Variants in CHEK2 observed in about 807,000 individuals in gnomAD.
CHEK2 encodes serine/threonine-protein kinase Chk2.
A neutral mutation model predicts 69.1 loss-of-function variants in CHEK2; 71 were observed. The observed-to-expected ratio is 1.03, with a 90% confidence interval of 0.85 to 1.25. The LOEUF (loss-of-function observed/expected upper bound fraction) is 1.25, where lower values mean the gene tolerates loss of function less well. Among genes scored for constraint, CHEK2 ranks in the 50% most tolerant of loss-of-function variants. The probability of loss-of-function intolerance (pLI) is 0.00; values close to 1 mark genes in which losing one functional copy is unlikely to be tolerated. For missense variants in CHEK2, 664 were observed against 649.6 expected, an observed-to-expected ratio of 1.02 and a Z score of -0.24; for synonymous variants, 189 against 226.9, an observed-to-expected ratio of 0.83 and a Z score of 1.50.
At chr22:28,736,764 A>AC (rs17881006) in intron 1 of CHEK2, among the ~76,000 whole-genome samples, 2,033 of 138,280 alleles carry the variant, frequency 0.015, 19 homozygotes, top group South Asian at 0.027. Context: ...ACATAGTGGG[A>AC]CCCCCCCCGC....
chr22:28,712,125 G>T, intron 5 of CHEK2, 108 bp from the exon 6 acceptor site: 1 of 752,906 alleles, frequency 1.3e-6, no homozygotes, highest in Non-Finnish European at 2.3e-6. Flanking sequence ...CCATATAACA[G>T]CCTTTCCATT....
intron 7 of CHEK2, among the ~76,000 whole-genome samples, chr22:28,705,721 T>G (rs971265485): frequency 9.3e-5 from 14 of 151,060 alleles, no homozygotes; most frequent in African/African-American, 3.4e-4. Flanking sequence ...AGGTCAGGAG[T>G]TCGTGACCAG....
chr22:28,733,345 T>C (rs2054273136), intron 2 of CHEK2, among the ~76,000 whole-genome samples: 3 of 152,138 alleles, frequency 2.0e-5, no homozygotes, highest in Admixed American at 2.0e-4. Context: ...CAAGTTTGAG[T>C]GAATCTGCAT....
chr22:28,689,375 G>A (rs1029269380), intron 13 of CHEK2, 160 bp from the exon 14 acceptor site: 24 of 703,002 alleles, frequency 3.4e-5, no homozygotes, highest in Admixed American at 3.1e-4. Context: ...TGTGTTGCCC[G>A]CCTCTACCTT....
At chr22:28,720,092 A>T (rs965018778) in intron 4 of CHEK2, among the ~76,000 whole-genome samples, 2 of 134,474 alleles carry the variant, frequency 1.5e-5, no homozygotes, top group East Asian at 2.2e-4. Flanking sequence ...AAAAAAAGTA[A>T]TTTTTTTTTT....
At chr22:28,692,576 C>A (rs2052407423) in intron 13 of CHEK2, among the ~76,000 whole-genome samples, 1 of 152,172 alleles carries the variant, frequency 6.6e-6, no homozygotes, top group Non-Finnish European at 1.5e-5. Context: ...CAGGGACAGT[C>A]TTCCCAGAGT....
chr22:28,719,490 G>A lies in CHEK2; in HGVS notation c.593-5C>T, dbSNP rs1360625313. On this transcript the variant is annotated splice_polypyrimidine_tract_variant and splice_region_variant and intron_variant, in intron 4 of 14. Transcript: ENST00000404276. The stretch of plus-strand genomic sequence containing the variant: ...TCAGATCAAAAAAGACAAAAACTAA[G>A]GAAGAAAAGAGTAGAAATGGGTTTC... 1 of 1,544,660 alleles carries A rather than the reference G, an allele frequency of 6.5e-7. No individual in the cohort carries two copies. Among genetic ancestry groups the A allele is most frequent in the South Asian group, 1.2e-5 (1 of 86,542 alleles).
At chr22:28,697,334 A>C (rs1256204189) in intron 9 of CHEK2, among the ~76,000 whole-genome samples, 3 of 152,158 alleles carry the variant, frequency 2.0e-5, no homozygotes, top group Non-Finnish European at 4.4e-5. Flanking sequence ...TAAACACAAA[A>C]ATTCCACCAA....
At chr22:28,726,259 C>A (rs1200252551) in intron 2 of CHEK2, 1 of 151,736 alleles carries the variant, frequency 6.6e-6, no homozygotes, top group African/African-American at 2.4e-5. Context: ...AGTCCAGCTA[C>A]TCAGGAGGCT....
At chr22:28,707,788 T>C (rs1413441482) in intron 7 of CHEK2, among the ~76,000 whole-genome samples, 2 of 151,570 alleles carry the variant, frequency 1.3e-5, no homozygotes, top group African/African-American at 4.8e-5. Context: ...TGTTTGAAGA[T>C]CATCTGACAT....
intron 7 of CHEK2, among the ~76,000 whole-genome samples, chr22:28,708,329 G>T (rs1012452219): frequency 1.2e-4 from 18 of 150,918 alleles, no homozygotes; most frequent in Non-Finnish European, 2.4e-4. Context: ...CTACACTGAA[G>T]CCTGGGTAAC....
At position 28,725,236 on chromosome 22, in the gene CHEK2, T is replaced by C. The variant is rs1364932668; in HGVS notation, c.444+7A>G. On this transcript the variant is annotated splice_region_variant and intron_variant, in intron 3 of 14. Coordinates refer to ENST00000404276, the MANE Select transcript of CHEK2 (RefSeq NM_007194.4). ...CTCTCCTAGATACATGGGTATTCATTACCTACCCTGAAAATCCGAAAGTGT... is the reference window on the plus strand; with the variant it reads ...CTCTCCTAGATACATGGGTATTCATCACCTACCCTGAAAATCCGAAAGTGT... 1 of 1,614,118 alleles carries C rather than the reference T, an allele frequency of 6.2e-7. No individual in the cohort carries two copies. Among genetic ancestry groups the C allele is most frequent in the Admixed American group, 1.7e-5 (1 of 60,006 alleles).
Position 28,740,479 on chromosome 22 carries a change from A to G in CHEK2, c.-7+1290T>C, listed in dbSNP as rs189429231. 2.6e-5 allele frequency among the ~76,000 whole-genome samples: 4 copies of G among 152,292 alleles called. No homozygotes were observed. In the East Asian group the frequency reaches 7.7e-4, roughly 29 times the overall value. Reference sequence around the variant, plus strand: ...TTGCTCTCCTTGGACTGGTTTGATAACCACTTTCCCTATCCCCTTTTCTCC... The same window carrying G: ...TTGCTCTCCTTGGACTGGTTTGATAGCCACTTTCCCTATCCCCTTTTCTCC... On this transcript the variant is annotated intron_variant, in intron 1 of 14. Coordinates refer to ENST00000404276, the MANE Select transcript of CHEK2 (RefSeq NM_007194.4).
intron 5 of CHEK2, among the ~76,000 whole-genome samples, chr22:28,717,884 G>T (rs2053638670): frequency 6.6e-6 from 1 of 151,848 alleles, no homozygotes; most frequent in Non-Finnish European, 1.5e-5. Context: ...CCATTGCCTG[G>T]GCAACAAGAA....
At chr22:28,706,728 G>A (rs943963307) in intron 7 of CHEK2, among the ~76,000 whole-genome samples, 10 of 152,128 alleles carry the variant, frequency 6.6e-5, no homozygotes. Flanking sequence ...AGACCAGCCT[G>A]GCCAACATGG....
At chr22:28,733,646 C>A (rs1288792844) in intron 2 of CHEK2, among the ~76,000 whole-genome samples, 1 of 152,052 alleles carries the variant, frequency 6.6e-6, no homozygotes, top group African/African-American at 2.4e-5. Flanking sequence ...TAGATGGGCA[C>A]GGTTGCTCAT....
intron 10 of CHEK2, among the ~76,000 whole-genome samples, 166 bp from the exon 11 acceptor site, chr22:28,696,039 C>G (rs1405883621): frequency 6.6e-6 from 1 of 152,194 alleles, no homozygotes; most frequent in Non-Finnish European, 1.5e-5. Flanking sequence ...CAAGTTAGGA[C>G]ATTTAATTTT....
At chr22:28,725,465 A>C in intron 2 of CHEK2, 98 bp from the exon 3 acceptor site, 2 of 1,388,534 alleles carry the variant, frequency 1.4e-6, no homozygotes, top group Non-Finnish European at 2.0e-6. Flanking sequence ...ATAGCCTAAG[A>C]AGGCAATCAG....
chr22:28,739,835 A>C (rs1271662734), intron 1 of CHEK2, among the ~76,000 whole-genome samples: 2 of 152,196 alleles, frequency 1.3e-5, no homozygotes, highest in Admixed American at 1.3e-4. Context: ...AAGTAATTTT[A>C]TCTTAGAAAA....
Sources: gnomAD v4.1 joint callset for allele counts (sites outside exome capture counted in the v4.1 genomes callset) on GRCh38, gnomAD v4.1.1 for gene constraint, MANE v1.5 for transcripts, NCBI Gene and HGNC (gene_info 2026-07-23, HGNC 2026-07-21) for gene names.